The following CCDC7 variants were observed in gnomAD, a reference collection of about 807,000 sequenced individuals.
The protein encoded by CCDC7 is coiled-coil domain-containing protein 7.
Under a neutral mutation model 196.9 loss-of-function variants are expected in CCDC7, and 183 were observed. The observed-to-expected ratio is 0.93, with a 90% CI of 0.82 to 1.05. The LOEUF (loss-of-function observed/expected upper bound fraction) is 1.05. Ranked by LOEUF, CCDC7 falls within the 50% of genes least tolerant of loss-of-function variation. The pLI, the probability that CCDC7 is intolerant of heterozygous loss-of-function variation, is 0.00. For missense variants in CCDC7, 1,540 were observed against 1,482.2 expected (o/e 1.04, Z -0.64); for synonymous variants, 525 against 484.6 (o/e 1.08, Z -1.10).
At chr10:32,694,476 C>G (rs2077457828) in intron 23 of CCDC7, among the ~76,000 whole-genome samples, 1 of 152,200 alleles carries the variant, frequency 6.6e-6, no homozygotes, top group African/African-American at 2.4e-5. Flanking sequence ...TGAGGACTTA[C>G]TGGATATACA....
chr10:32,572,379 T>G (rs1224859138), intron 16 of CCDC7, among the ~76,000 whole-genome samples: 1 of 152,170 alleles, frequency 6.6e-6, no homozygotes, highest in Non-Finnish European at 1.5e-5. Flanking sequence ...CTTTGATTAG[T>G]ATATTATGAT....
At chr10:32,643,316 A>T (rs1203428457) in intron 20 of CCDC7, among the ~76,000 whole-genome samples, 1 of 152,142 alleles carries the variant, frequency 6.6e-6, no homozygotes, top group Non-Finnish European at 1.5e-5. Flanking sequence ...ACATTGACAT[A>T]CTATGGTGAT....
chr10:32,455,655 C>T (rs1374051201), intron 2 of CCDC7, among the ~76,000 whole-genome samples: 1 of 152,140 alleles, frequency 6.6e-6, no homozygotes, highest in Non-Finnish European at 1.5e-5. Flanking sequence ...ATATATTCTT[C>T]ATGGAGAACC....
intron 20 of CCDC7, among the ~76,000 whole-genome samples, chr10:32,645,310 G>A (rs1015810577): frequency 6.6e-6 from 1 of 152,036 alleles, no homozygotes; most frequent in Non-Finnish European, 1.5e-5. Context: ...TTCTGTTAAT[G>A]TGATGTGTCA....
chr10:32,830,654 T>C (rs1316959108), intron 32 of CCDC7, among the ~76,000 whole-genome samples: 1 of 152,132 alleles, frequency 6.6e-6, no homozygotes, highest in African/African-American at 2.4e-5. Context: ...TTTTAGTGCA[T>C]GTAAAAAGGA....
chr10:32,664,861 C>G (rs934928043), intron 21 of CCDC7, among the ~76,000 whole-genome samples: 3 of 151,926 alleles, frequency 2.0e-5, no homozygotes, highest in African/African-American at 4.8e-5. Flanking sequence ...TATTGTAGTT[C>G]TATTTTTAAT....
At chr10:32,765,102 ACTT>A (rs2078064835) in intron 28 of CCDC7, among the ~76,000 whole-genome samples, 1 of 151,922 alleles carries the variant, frequency 6.6e-6, no homozygotes, top group African/African-American at 2.4e-5. Flanking sequence ...CAATTCCCAG[ACTT>A]GATCAAGTTT....
At chr10:32,453,458 A>G (rs1375588758) in intron 2 of CCDC7, 22 bp downstream of exon 3, 4 of 1,429,520 alleles carry the variant, frequency 2.8e-6, no homozygotes, top group Admixed American at 5.1e-5. Flanking sequence ...CAACCCTAAT[A>G]TAGAGACATT....
chr10:32,729,485 A>C lies in CCDC7; in HGVS notation c.2905+28A>C, dbSNP rs183382217. 2,281 of 1,044,630 alleles carry C rather than the reference A, an allele frequency of 2.2e-3. 12 individuals carry two copies. The highest frequency in any genetic ancestry group is 1.5e-3 in the Non-Finnish European group (1,126 of 734,208). 64.7% of individuals were successfully genotyped at this position (1,044,630 alleles called of 1,614,324 possible). A position where few individuals can be genotyped will look rare whatever the true frequency, so the allele number is the denominator to read the frequency against. On this transcript the variant is annotated intron_variant, in intron 28 of 41. Coordinates refer to ENST00000639629, the Ensembl canonical transcript of CCDC7. ...AAGTAATTATTTATAAATCTTATAA[A>C]TTGTTTTTATTAAATTCAGGAGAAA...
intron 28 of CCDC7, among the ~76,000 whole-genome samples, chr10:32,755,732 G>A (rs2133632872): frequency 6.6e-6 from 1 of 152,262 alleles, no homozygotes; most frequent in East Asian, 1.9e-4. Context: ...GCAAGCAGCA[G>A]AACAAAGCTG....
intron 24 of CCDC7, among the ~76,000 whole-genome samples, chr10:32,695,983 C>T (rs1413722012): frequency 8.6e-6 from 1 of 115,804 alleles, no homozygotes; most frequent in Non-Finnish European, 1.8e-5. Context: ...TCCTTAAGCA[C>T]AGCAATGAAG....
At chr10:32,595,214 C>G (rs576501833) in intron 18 of CCDC7, among the ~76,000 whole-genome samples, 1 of 152,262 alleles carries the variant, frequency 6.6e-6, no homozygotes, top group South Asian at 2.1e-4. Context: ...TAATTATTGC[C>G]TCAATTTCAG....
chr10:32,558,255 A>G (rs1481831449), intron 13 of CCDC7, among the ~76,000 whole-genome samples: 1 of 152,106 alleles, frequency 6.6e-6, no homozygotes. Flanking sequence ...AGATTGTGTT[A>G]TATTCTTCTG....
At chr10:32,445,496 T>C (rs1195790953), upstream of CCDC7, among the ~76,000 whole-genome samples, 2 of 152,220 alleles carry the variant, frequency 1.3e-5, no homozygotes, top group African/African-American at 4.8e-5. Context: ...ACACAGGCAT[T>C]ATTAACAGTT....
At chr10:32,698,872 C>T (rs1042129587) in intron 24 of CCDC7, among the ~76,000 whole-genome samples, 10 of 152,046 alleles carry the variant, frequency 6.6e-5, no homozygotes, top group Admixed American at 5.2e-4. Flanking sequence ...AGTTACTCCT[C>T]GAGAAGAGCA....
At chr10:32,581,999 GATA>G (rs1179905956) in intron 16 of CCDC7, among the ~76,000 whole-genome samples, 1 of 150,868 alleles carries the variant, frequency 6.6e-6, no homozygotes, top group Non-Finnish European at 1.5e-5. Context: ...CTTAATTTAG[GATA>G]GGAAGCCAGC....
At chr10:32,547,949 C>T (rs2052756410) in intron 13 of CCDC7, among the ~76,000 whole-genome samples, 1 of 152,188 alleles carries the variant, frequency 6.6e-6, no homozygotes, top group African/African-American at 2.4e-5. Flanking sequence ...CCACCTCCCA[C>T]TCTTGCCCTC....
At chr10:32,677,454 AGT>A (rs1302861756) in intron 21 of CCDC7, among the ~76,000 whole-genome samples, 15 of 152,130 alleles carry the variant, frequency 9.9e-5, no homozygotes, top group African/African-American at 3.4e-4. Flanking sequence ...TGTCTGGAAA[AGT>A]ATCTATGCTT....
exon 17 of CCDC7, chr10:32,583,231 T>C: frequency 1.6e-6 from 2 of 1,231,454 alleles, no homozygotes; most frequent in Non-Finnish European, 2.0e-6. Flanking sequence ...TCACTGTCTG[T>C]TGGAACATTG....
Sources: gnomAD v4.1 joint callset for allele counts (sites outside exome capture counted in the v4.1 genomes callset) on GRCh38, gnomAD v4.1.1 for gene constraint, MANE v1.5 for transcripts, NCBI Gene and HGNC (gene_info 2026-07-23, HGNC 2026-07-21) for gene names.